EBF1: variants seen among roughly 807,000 people sequenced by gnomAD.
EBF1 encodes the protein transcription factor COE1.
A neutral mutation model predicts 68.4 loss-of-function variants in EBF1; 10 were observed. The observed-to-expected ratio is 0.15, with a 90% CI of 0.09 to 0.25. EBF1 has a LOEUF of 0.25. Among genes scored for constraint, EBF1 ranks in the 10% least tolerant of loss-of-function variants. EBF1 has a pLI of 1.00. For missense variants in EBF1, 509 were observed against 794.4 expected (o/e 0.64, Z 4.32); for synonymous variants, 298 against 299.8 (o/e 0.99, Z 0.06).
At position 158,702,899 on chromosome 5, in the gene EBF1, T is replaced by C. The variant is rs547570293; in HGVS notation, c.1745-3757A>G. Among the ~76,000 whole-genome samples the C allele has an allele frequency of 5.3e-5, 8 of 151,878 alleles. No homozygotes were observed. The East Asian group carries it at 1.2e-3, about 22-fold the overall frequency. Reference sequence around the variant, plus strand: ...GTCCTGGGCTGCATGATATCTAGGGTTGAGAAGAGCCAGCCTGAGCTTCAG... The same window carrying C: ...GTCCTGGGCTGCATGATATCTAGGGCTGAGAAGAGCCAGCCTGAGCTTCAG... On this transcript the variant is annotated intron_variant, in intron 15 of 15. Coordinates refer to ENST00000313708, the MANE Select transcript of EBF1 (RefSeq NM_024007.5).
Position 159,053,163 on chromosome 5 carries a change from T to C in EBF1, c.554+20233A>G, listed in dbSNP as rs187846732. On this transcript the variant is annotated intron_variant, in intron 6 of 15. Transcript: ENST00000313708. Reference sequence around the variant, plus strand: ...ATCTTTGGGGTCAGACACTGCAAGGTTGGCATCCCAGCTCCACCACTTAAT... The same window carrying C: ...ATCTTTGGGGTCAGACACTGCAAGGCTGGCATCCCAGCTCCACCACTTAAT... Among the ~76,000 whole-genome samples the C allele has an allele frequency of 3.3e-5, 5 of 152,340 alleles. No homozygotes were observed. In the East Asian group the frequency reaches 7.7e-4, roughly 24 times the overall value.
chr5:158,958,266 G>A (rs572391017), intron 6 of EBF1, among the ~76,000 whole-genome samples: 1 of 152,276 alleles, frequency 6.6e-6, no homozygotes, highest in South Asian at 2.1e-4. Flanking sequence ...TGGCAGAGGG[G>A]GAAAAGAGGG....
At chr5:158,827,731 A>G (rs1355375092) in intron 7 of EBF1, among the ~76,000 whole-genome samples, 4 of 152,232 alleles carry the variant, frequency 2.6e-5, no homozygotes, top group Admixed American at 6.5e-5. Context: ...TTCAATCATG[A>G]GTGGAAGATC....
chr5:159,074,664 T>C (rs974115706), intron 5 of EBF1, among the ~76,000 whole-genome samples: 1 of 152,234 alleles, frequency 6.6e-6, no homozygotes, highest in Non-Finnish European at 1.5e-5. Flanking sequence ...AAGTCTCTTT[T>C]CTTGCCATAA....
intron 6 of EBF1, among the ~76,000 whole-genome samples, chr5:158,974,599 C>T (rs868621501): frequency 1.8e-4 from 27 of 152,102 alleles, no homozygotes; most frequent in African/African-American, 5.1e-4. Context: ...CTCTTTAAGG[C>T]GCTGTCATGA....
chr5:158,823,029 A>C lies in EBF1; in HGVS notation c.778+147T>G, dbSNP rs1403603210. On this transcript the variant is annotated intron_variant, in intron 8 of 15. Coordinates refer to ENST00000313708, the MANE Select transcript of EBF1 (RefSeq NM_024007.5). ...TTTAAATATTTGCCACCATATGTTGAAGAGAAAAAACCCTAGAGGACCAAT... is the reference window on the plus strand; with the variant it reads ...TTTAAATATTTGCCACCATATGTTGCAGAGAAAAAACCCTAGAGGACCAAT... The C allele has an allele frequency of 5.7e-6, 6 of 1,043,910 alleles. No individual in the cohort carries two copies. The Admixed American group carries it at 1.4e-4, about 25-fold the overall frequency. The allele number at this position is 1,043,910 out of a possible 1,614,324, so 64.7% of individuals were successfully genotyped here. A position where few individuals can be genotyped will look rare whatever the true frequency, so the allele number is the denominator to read the frequency against.
At chr5:158,832,856 A>T (rs934434217) in intron 7 of EBF1, among the ~76,000 whole-genome samples, 5 of 152,218 alleles carry the variant, frequency 3.3e-5, no homozygotes, top group Non-Finnish European at 5.9e-5. Flanking sequence ...CATCATTTTA[A>T]AAAGCAAAAC....
chr5:159,058,431 G>C (rs1266188550), intron 6 of EBF1, among the ~76,000 whole-genome samples: 3 of 152,184 alleles, frequency 2.0e-5, no homozygotes. Flanking sequence ...GGGGACCCTG[G>C]GGAATTGTCC....
chr5:158,916,802 T>G (rs540961705), intron 6 of EBF1, among the ~76,000 whole-genome samples: 3 of 152,204 alleles, frequency 2.0e-5, no homozygotes, highest in African/African-American at 4.8e-5. Flanking sequence ...TGGACCACCA[T>G]GACTGCTAGA....
At chr5:158,813,567 C>G (rs1783122659) in intron 8 of EBF1, among the ~76,000 whole-genome samples, 1 of 152,084 alleles carries the variant, frequency 6.6e-6, no homozygotes, top group Admixed American at 6.6e-5. Context: ...TTTTGGTAGC[C>G]ACTTTTCCAA....
At chr5:158,767,709 G>A (rs1773046628) in intron 10 of EBF1, among the ~76,000 whole-genome samples, 1 of 152,042 alleles carries the variant, frequency 6.6e-6, no homozygotes. Context: ...GAAAAAAAAG[G>A]TGTGGAATAG....
At chr5:159,088,480 C>T (rs1323309370) in intron 4 of EBF1, among the ~76,000 whole-genome samples, 2 of 152,158 alleles carry the variant, frequency 1.3e-5, no homozygotes, top group Non-Finnish European at 2.9e-5. Flanking sequence ...GGAGAAGTTT[C>T]TGCGTTTCTT....
At chr5:158,947,949 T>C (rs1815145076) in intron 6 of EBF1, among the ~76,000 whole-genome samples, 1 of 152,182 alleles carries the variant, frequency 6.6e-6, no homozygotes. Context: ...CTAGTTCTCT[T>C]GGTATTTACC....
intron 6 of EBF1, among the ~76,000 whole-genome samples, chr5:158,971,596 A>C (rs1162795709): frequency 6.6e-6 from 1 of 152,182 alleles, no homozygotes; most frequent in Non-Finnish European, 1.5e-5. Flanking sequence ...GTTTGCCCCA[A>C]GATACTGAGA....
intron 6 of EBF1, among the ~76,000 whole-genome samples, chr5:158,987,509 G>T (rs1441267226): frequency 3.9e-5 from 6 of 152,166 alleles, no homozygotes; most frequent in African/African-American, 7.2e-5. Context: ...GGTAGGCAGG[G>T]CAGGGATTAC....
intron 6 of EBF1, chr5:158,985,663 A>G (rs887820562): frequency 6.6e-6 from 1 of 152,094 alleles, no homozygotes; most frequent in African/African-American, 2.4e-5. Flanking sequence ...GGATCCACAT[A>G]TCCTTTTTGA....
At chr5:158,966,911 T>C (rs1754276886) in intron 6 of EBF1, among the ~76,000 whole-genome samples, 1 of 152,226 alleles carries the variant, frequency 6.6e-6, no homozygotes, top group South Asian at 2.1e-4. Flanking sequence ...ATAGGCTTAC[T>C]TAAGCAGATA....
intron 6 of EBF1, among the ~76,000 whole-genome samples, chr5:158,857,189 A>G (rs922736322): frequency 2.0e-5 from 3 of 151,098 alleles, no homozygotes; most frequent in Admixed American, 6.6e-5. Flanking sequence ...TGCTTGGCCA[A>G]CTCAGTAGTT....
At chr5:158,881,155 C>T (rs915190321) in intron 6 of EBF1, among the ~76,000 whole-genome samples, 8 of 152,260 alleles carry the variant, frequency 5.3e-5, no homozygotes, top group Admixed American at 3.9e-4. Flanking sequence ...GTATTCAAAA[C>T]GGTAATTGAT....
Sources: gnomAD v4.1 joint callset for allele counts (sites outside exome capture counted in the v4.1 genomes callset) on GRCh38, gnomAD v4.1.1 for gene constraint, MANE v1.5 for transcripts, NCBI Gene and HGNC (gene_info 2026-07-23, HGNC 2026-07-21) for gene names.